SLC2A9: variants seen among roughly 807,000 people sequenced by gnomAD.
The protein encoded by SLC2A9 is solute carrier family 2, facilitated glucose transporter member 9.
SLC2A9 carries 39 observed loss-of-function variants against 50.6 expected under a neutral mutation model. That is an observed-to-expected ratio of 0.77 (90% confidence interval 0.60 to 1.01). SLC2A9 has a LOEUF of 1.01. SLC2A9 is among the 50% of genes least tolerant of loss of function. The pLI is 0.00. For synonymous variants in SLC2A9, 324 were observed against 276.9 expected (o/e 1.17, Z -1.69); for missense variants, 686 against 677.6 (o/e 1.01, Z -0.14).
chr4:9,992,178 C>T (rs1030548387), intron 3 of SLC2A9, among the ~76,000 whole-genome samples: 1 of 152,186 alleles, frequency 6.6e-6, no homozygotes, highest in African/African-American at 2.4e-5. Flanking sequence ...AACCTTCCTG[C>T]CTGTCTCCAC....
chr4:9,824,533 C>G (rs1414802097), downstream of SLC2A9, among the ~76,000 whole-genome samples: 2 of 152,144 alleles, frequency 1.3e-5, no homozygotes, highest in African/African-American at 4.8e-5. Context: ...CCAGTCATCC[C>G]TGTGGCATGT....
rs554994426 is a variant in SLC2A9, at chr4:9,988,922, C to T, written c.411-3129G>A. 5.3e-5 allele frequency among the ~76,000 whole-genome samples: 8 copies of T among 152,310 alleles called. No homozygotes were observed. In the East Asian group the frequency reaches 5.8e-4, roughly 11 times the overall value. ...TTTAACTTGGTGCAGAGCACCAGGA[C>T]GGATTGGGGGAAGACATAGGGAATT... is the stretch of plus-strand genomic sequence containing the variant. On this transcript the variant is annotated intron_variant, in intron 3 of 11. Coordinates refer to ENST00000264784, the MANE Select transcript of SLC2A9 (RefSeq NM_020041.3).
chr4:9,798,384 C>A (rs1245454555), downstream of SLC2A9, among the ~76,000 whole-genome samples: 1 of 152,200 alleles, frequency 6.6e-6, no homozygotes, highest in African/African-American at 2.4e-5. Context: ...TCACTGTATT[C>A]CAACATTCAC....
intron 1 of SLC2A9, among the ~76,000 whole-genome samples, chr4:10,032,977 T>C (rs1226649236): frequency 2.6e-5 from 4 of 152,128 alleles, no homozygotes; most frequent in African/African-American, 9.7e-5. Context: ...ATTAAAAAGA[T>C]GCATGTAAAG....
chr4:10,038,856 T>C (rs1047600515), intron 1 of SLC2A9, among the ~76,000 whole-genome samples: 35 of 152,222 alleles, frequency 2.3e-4, no homozygotes, highest in Admixed American at 2.0e-3. Context: ...CAAACACTCA[T>C]TCACACAAAA....
chr4:9,851,597 A>G (rs1213072599), intron 10 of SLC2A9, among the ~76,000 whole-genome samples: 3 of 152,228 alleles, frequency 2.0e-5, no homozygotes, highest in Admixed American at 2.0e-4. Context: ...AATGACAGAC[A>G]TAGAATTCAG....
chr4:10,012,389 T>C (rs1266260004), intron 2 of SLC2A9, among the ~76,000 whole-genome samples: 1 of 152,230 alleles, frequency 6.6e-6, no homozygotes, highest in Non-Finnish European at 1.5e-5. Context: ...TAAATTTAAA[T>C]TTATCCATTT....
chr4:9,975,504 C>T (rs141881140), intron 5 of SLC2A9, among the ~76,000 whole-genome samples: 2,154 of 152,226 alleles, frequency 0.014, 24 homozygotes, highest in Middle Eastern at 0.054. Flanking sequence ...TTAAAAAATG[C>T]TCAACATCAC....
chr4:9,889,531 C>T (rs1244161212), intron 9 of SLC2A9, among the ~76,000 whole-genome samples: 1 of 152,196 alleles, frequency 6.6e-6, no homozygotes, highest in Non-Finnish European at 1.5e-5. Context: ...GAAGGAACTG[C>T]ATCTGCCAGC....
intron 10 of SLC2A9, among the ~76,000 whole-genome samples, chr4:9,871,913 G>T (rs954649013): frequency 4.6e-5 from 7 of 152,218 alleles, no homozygotes; most frequent in Admixed American, 4.6e-4. Context: ...CAGCCACAAG[G>T]TTGGTAGATC....
chr4:9,876,305 C>A (rs1465585918), intron 10 of SLC2A9, among the ~76,000 whole-genome samples: 1 of 152,218 alleles, frequency 6.6e-6, no homozygotes, highest in African/African-American at 2.4e-5. Context: ...ATTCACAGAA[C>A]TGCTTTTAAA....
chr4:9,884,324 G>A (rs887292725), intron 10 of SLC2A9, among the ~76,000 whole-genome samples: 3 of 152,180 alleles, frequency 2.0e-5, no homozygotes, highest in Admixed American at 2.0e-4. Flanking sequence ...TGGCTAGAGT[G>A]CAATGCTGCC....
At chr4:9,829,402 C>A (rs1238084955) in intron 11 of SLC2A9, among the ~76,000 whole-genome samples, 1 of 151,382 alleles carries the variant, frequency 6.6e-6, no homozygotes, top group Non-Finnish European at 1.5e-5. Context: ...ACTATAAAAA[C>A]CCTAGAAGAA....
chr4:9,809,864 T>TC (rs56872164), intron 3 of SLC2A9, among the ~76,000 whole-genome samples: 4,581 of 151,982 alleles, frequency 0.03, 242 homozygotes, highest in African/African-American at 0.11. Context: ...TTTTTTTTTT[T>TC]TTTAAATTCA....
intron 10 of SLC2A9, among the ~76,000 whole-genome samples, chr4:9,885,525 C>T (rs1736045145): frequency 6.6e-6 from 1 of 152,228 alleles, no homozygotes; most frequent in Admixed American, 6.5e-5. Flanking sequence ...TTGAAAAACC[C>T]TGCTGCCAGG....
At chr4:10,034,715 A>G (rs3733585) in intron 1 of SLC2A9, 66,511 of 152,084 alleles carry the variant, frequency 0.44, 16,143 homozygotes, top group South Asian at 0.59. Context: ...TGTTATGAGG[A>G]TTGAAACAGT....
chr4:10,021,756 A>T (rs1168219559), upstream of SLC2A9, among the ~76,000 whole-genome samples: 1 of 150,992 alleles, frequency 6.6e-6, no homozygotes, highest in Non-Finnish European at 1.5e-5. Flanking sequence ...TTAACCTAGG[A>T]TACCTCCCTA....
chr4:9,941,056 C>T (rs1748036567), intron 6 of SLC2A9, among the ~76,000 whole-genome samples: 1 of 152,192 alleles, frequency 6.6e-6, no homozygotes, highest in Non-Finnish European at 1.5e-5. Flanking sequence ...TAAAAAATTG[C>T]TCAAGGTCAG....
At chr4:10,006,978 G>A (rs1760898858) in intron 2 of SLC2A9, among the ~76,000 whole-genome samples, 1 of 152,058 alleles carries the variant, frequency 6.6e-6, no homozygotes, top group Non-Finnish European at 1.5e-5. Flanking sequence ...TTGCTGTGGG[G>A]ATGAAGCGCG....
Sources: allele counts gnomAD v4.1 joint callset (sites outside exome capture counted in the v4.1 genomes callset), GRCh38; gene constraint gnomAD v4.1.1; transcripts MANE v1.5; gene names NCBI Gene and HGNC (gene_info 2026-07-23, HGNC 2026-07-21).